The following ABI1 variants were observed in gnomAD, a reference collection of about 807,000 sequenced individuals.
ABI1 encodes Abelson interactor 1.
ABI1 carries 14 observed loss-of-function variants against 54.6 expected under a neutral mutation model. The observed-to-expected ratio is 0.26, with a 90% CI of 0.17 to 0.40. The LOEUF (loss-of-function observed/expected upper bound fraction) is 0.40, where lower values mean the gene tolerates loss of function less well. ABI1 is among the 10% of genes least tolerant of loss of function. The pLI is 1.00. For synonymous variants in ABI1, 194 were observed against 209.3 expected (o/e 0.93, Z 0.63); for missense variants, 443 against 598.3 (o/e 0.74, Z 2.71).
rs746595777 is a variant in ABI1, at chr10:26,860,774, T to G, written c.90A>C (p.Ala30=). 5 of 1,613,990 alleles carry G rather than the reference T, an allele frequency of 3.1e-6. No homozygotes were observed. In the South Asian group the frequency reaches 4.4e-5, roughly 14 times the overall value. Residue 30 remains alanine (A), a synonymous_variant, in exon 1 of 11, where the codon GCA becomes GCC. Transcript: ENST00000376140. The surrounding 1 kb of genome is among the most constrained non-coding windows in gnomAD (Gnocchi z 4.1). ...IESYQNLTRV[A]DYCENNYIQA... ...GTATGTAGTTGTTTTCACAGTAGTC[T>G]GCCACCCGAGTCAGGTTCTGGTAAC...
intron 2 of ABI1, among the ~76,000 whole-genome samples, chr10:26,820,217 G>A (rs1030071721): frequency 2.6e-5 from 4 of 152,184 alleles, no homozygotes; most frequent in African/African-American, 9.7e-5. Context: ...AGCTGTGTGA[G>A]GTGATAGATA....
In ABI1 at chr10:26,768,708, T is replaced by G. The variant is rs1481209317; in HGVS notation, c.719+144A>C. 8.8e-6 allele frequency: 6 copies of G among 679,168 alleles called. No individual in the cohort carries two copies. In the East Asian group the frequency reaches 1.4e-4, roughly 16 times the overall value. The allele number at this position is 679,168 out of a possible 1,614,324, so 42.1% of individuals were successfully genotyped here. On this transcript the variant is annotated intron_variant, in intron 6 of 10. Transcript: ENST00000376140. ...GTTATAACACAAACTTACAGGAACA[T>G]ATATAATATTATTCCCCCAACTTTT...
At chr10:26,804,853 G>A (rs1027367573) in intron 2 of ABI1, among the ~76,000 whole-genome samples, 2 of 152,152 alleles carry the variant, frequency 1.3e-5, no homozygotes, top group Non-Finnish European at 2.9e-5. Flanking sequence ...GTAAATGCCA[G>A]TTACTATGTA....
intron 1 of ABI1, among the ~76,000 whole-genome samples, chr10:26,855,113 C>CA (rs949062480): frequency 6.6e-5 from 10 of 151,218 alleles, no homozygotes; most frequent in African/African-American, 2.4e-4. Flanking sequence ...TTCCAAAATT[C>CA]AAAAAAAAAT....
At chr10:26,752,232 G>T (rs1837727133) in intron 9 of ABI1, among the ~76,000 whole-genome samples, 1 of 151,998 alleles carries the variant, frequency 6.6e-6, no homozygotes. Context: ...AAACAGCTTT[G>T]GTTCCCTAAA....
At chr10:26,856,465 GAC>G (rs2050830574) in intron 1 of ABI1, among the ~76,000 whole-genome samples, 1 of 115,972 alleles carries the variant, frequency 8.6e-6, no homozygotes, top group South Asian at 2.6e-4. Context: ...AAAAAAAACT[GAC>G]ACAGTTTGTA....
intron 1 of ABI1, among the ~76,000 whole-genome samples, chr10:26,850,691 T>C (rs373330884): frequency 3.3e-5 from 5 of 150,328 alleles, no homozygotes; most frequent in Admixed American, 6.6e-5. Flanking sequence ...AAAAGAATGA[T>C]GCCCAGGTTT....
chr10:26,837,396 T>C (rs2049156091), intron 1 of ABI1, among the ~76,000 whole-genome samples: 1 of 151,798 alleles, frequency 6.6e-6, no homozygotes, highest in East Asian at 1.9e-4. Flanking sequence ...TGACCTCATT[T>C]AACCATATTC....
rs1840309465 is a variant in ABI1, at chr10:26,768,905, A to T, written c.666T>A (p.Ser222Arg). The T allele has an allele frequency of 6.2e-7, 1 of 1,613,658 alleles. No homozygotes were observed. Among genetic ancestry groups the T allele is most frequent in the African/African-American group, 1.3e-5 (1 of 74,906 alleles). Residue 222 changes from serine (S) to arginine (R), a missense_variant, in exon 6 of 11, where the codon AGT becomes AGA. Ser to Arg is a moderately radical substitution (Grantham distance 110). Around this residue, in one of 2 missense-constraint regions of ABI1, gnomAD observed 394 missense variants for 484.8 expected, o/e 0.81. Coordinates refer to ENST00000376140, the MANE Select transcript of ABI1 (RefSeq NM_001012750.3). Reference sequence around the variant, plus strand: ...ATGCTGTCCTGCCTGGACTATGCTGACTTCCAAGCCTAGCAGGACTGGTCA... The same window carrying T: ...ATGCTGTCCTGCCTGGACTATGCTGTCTTCCAAGCCTAGCAGGACTGGTCA... ...DYMTSPARLG[S>R]QHSPGRTASL... is the part of the protein sequence containing the mutation.
At chr10:26,835,972 C>T (rs1440285456) in intron 1 of ABI1, among the ~76,000 whole-genome samples, 4 of 151,834 alleles carry the variant, frequency 2.6e-5, no homozygotes, top group Non-Finnish European at 4.4e-5. Context: ...AGGCTGGTCT[C>T]GAACTCCTGA....
At chr10:26,770,575 T>A (rs1840565553) in intron 4 of ABI1, 1 of 696,918 alleles carries the variant, frequency 1.4e-6, no homozygotes. Flanking sequence ...GTGAGATGAC[T>A]GGATTTAATA....
intron 1 of ABI1, among the ~76,000 whole-genome samples, chr10:26,843,190 C>T (rs1431409848): frequency 6.6e-6 from 1 of 151,796 alleles, no homozygotes; most frequent in Admixed American, 6.6e-5. Context: ...TGGTGGCTTA[C>T]ACCTGTAATC....
chr10:26,761,649 T>C (rs1189812141), intron 7 of ABI1, among the ~76,000 whole-genome samples: 3 of 115,580 alleles, frequency 2.6e-5, no homozygotes, highest in Non-Finnish European at 5.4e-5. Context: ...TATATATATA[T>C]ATATATATAT....
chr10:26,842,064 T>C (rs1320923058), intron 1 of ABI1, among the ~76,000 whole-genome samples: 2 of 152,132 alleles, frequency 1.3e-5, no homozygotes, highest in African/African-American at 4.8e-5. Context: ...GTACAAGGGG[T>C]CCATTTTCTC....
At chr10:26,843,468 AAAAAAAAAAAAAAAAAAATATATATATAT>A (rs1318129960) in intron 1 of ABI1, among the ~76,000 whole-genome samples, 1,400 of 84,666 alleles carry the variant, frequency 0.017, 31 homozygotes, top group African/African-American at 0.049. Context: ...AAAAAAAAAA[AAAAAAAAAAAAAAAAAAATATATATATAT>A]ATATATATAT....
chr10:26,751,495 CAGTTT>C, intron 10 of ABI1, 98 bp downstream of exon 10: 1 of 1,145,290 alleles, frequency 8.7e-7, no homozygotes, highest in Non-Finnish European at 1.2e-6. Flanking sequence ...GTTGGTAAGG[CAGTTT>C]AAAAGGCTGA....
intron 2 of ABI1, among the ~76,000 whole-genome samples, chr10:26,807,017 T>TA (rs1485739673): frequency 4.6e-5 from 7 of 152,228 alleles, no homozygotes; most frequent in Non-Finnish European, 1.0e-4. Context: ...CATGTTTTCA[T>TA]GGTTCTTCCT....
chr10:26,784,479 G>T (rs2133057176), intron 2 of ABI1, among the ~76,000 whole-genome samples: 2 of 151,978 alleles, frequency 1.3e-5, no homozygotes, highest in South Asian at 4.2e-4. Flanking sequence ...AGCCATCAGG[G>T]AGGCCACATT....
At chr10:26,850,724 T>C (rs1435168417) in intron 1 of ABI1, among the ~76,000 whole-genome samples, 1 of 150,292 alleles carries the variant, frequency 6.7e-6, no homozygotes, top group Non-Finnish European at 1.5e-5. Flanking sequence ...TGGTTGGTAG[T>C]GATAGGTTTA....
Sources: gnomAD v4.1 joint callset for allele counts (sites outside exome capture counted in the v4.1 genomes callset) on GRCh38, gnomAD v4.1.1 for gene constraint, gnomAD v4.1.1 regional missense constraint, Gnocchi (gnomAD v3.1) non-coding constraint, MANE v1.5 for transcripts, NCBI Gene and HGNC (gene_info 2026-07-23, HGNC 2026-07-21) for gene names.